TTC6: variants seen among roughly 807,000 people sequenced by gnomAD.
TTC6 encodes the protein tetratricopeptide repeat protein 6.
TTC6 carries 172 observed loss-of-function variants against 210.4 expected under a neutral mutation model. The observed-to-expected ratio is 0.82, with a 90% CI of 0.72 to 0.93. The LOEUF (loss-of-function observed/expected upper bound fraction) is 0.93. Among genes scored for constraint, TTC6 ranks in the 40% least tolerant of loss-of-function variants. TTC6 has a pLI of 0.00. For synonymous variants in TTC6, 804 were observed against 819.6 expected, an observed-to-expected ratio of 0.98 and a Z score of 0.32; for missense variants, 2,414 against 2,318.1, an observed-to-expected ratio of 1.04 and a Z score of -0.85.
intron 20 of TTC6, among the ~76,000 whole-genome samples, chr14:37,804,308 A>G (rs914424668): frequency 2.6e-5 from 4 of 152,220 alleles, no homozygotes; most frequent in Non-Finnish European, 5.9e-5. Flanking sequence ...GCTTCCCAGT[A>G]TTCCATTCAG....
intron 1 of TTC6, among the ~76,000 whole-genome samples, chr14:37,627,750 G>A (rs2095662789): frequency 6.6e-6 from 1 of 152,174 alleles, no homozygotes; most frequent in Admixed American, 6.5e-5. Flanking sequence ...TGTGAATAGT[G>A]CTGCAATAAA....
chr14:37,676,077 C>A (rs1291876120), intron 1 of TTC6, among the ~76,000 whole-genome samples: 2 of 151,972 alleles, frequency 1.3e-5, no homozygotes, highest in Non-Finnish European at 2.9e-5. Context: ...GGAAAGAGTA[C>A]TAGACAATTT....
chr14:37,749,936 A>C, intron 12 of TTC6, 93 bp downstream of exon 14: 1 of 877,710 alleles, frequency 1.1e-6, no homozygotes, highest in Non-Finnish European at 1.5e-6. Flanking sequence ...ATCAGTAGAT[A>C]TATGTCCTGA....
At chr14:37,679,726 T>A (rs1487120895) in intron 1 of TTC6, among the ~76,000 whole-genome samples, 1 of 152,118 alleles carries the variant, frequency 6.6e-6, no homozygotes, top group Non-Finnish European at 1.5e-5. Context: ...GTTTCCCTCT[T>A]GTTGTCCAGG....
intron 14 of TTC6, among the ~76,000 whole-genome samples, chr14:37,780,155 G>A (rs1200236806): frequency 6.6e-6 from 1 of 152,172 alleles, no homozygotes; most frequent in Non-Finnish European, 1.5e-5. Context: ...AAATTAATTA[G>A]TAATATTTTT....
At chr14:37,628,270 G>GA (rs2095663780) in intron 1 of TTC6, among the ~76,000 whole-genome samples, 1 of 152,062 alleles carries the variant, frequency 6.6e-6, no homozygotes, top group South Asian at 2.1e-4. Flanking sequence ...ACTGTGCCTG[G>GA]CCTGTTTCCT....
intron 1 of TTC6, among the ~76,000 whole-genome samples, chr14:37,645,912 T>A (rs34434018): frequency 0.056 from 8,480 of 152,266 alleles, 363 homozygotes; most frequent in Non-Finnish European, 0.087. Flanking sequence ...GTTTACCTAT[T>A]CATGCAATGT....
chr14:37,605,021 T>C (rs1371413441), intron 1 of TTC6, among the ~76,000 whole-genome samples: 1 of 152,220 alleles, frequency 6.6e-6, no homozygotes, highest in Non-Finnish European at 1.5e-5. Context: ...GCTGGGCTTA[T>C]GGTGTATGCT....
chr14:37,838,123 C>G (rs543158724), intron 29 of TTC6, among the ~76,000 whole-genome samples: 1 of 152,286 alleles, frequency 6.6e-6, no homozygotes, highest in South Asian at 2.1e-4. Flanking sequence ...AAAAGTGACT[C>G]TCTCTTTAAG....
chr14:37,779,834 AG>A (rs1158242079), intron 14 of TTC6, among the ~76,000 whole-genome samples: 1 of 152,202 alleles, frequency 6.6e-6, no homozygotes, highest in Non-Finnish European at 1.5e-5. Context: ...GTGGTGTCTC[AG>A]GGGGCCTCAT....
At chr14:37,624,220 C>T (rs927539576) in intron 1 of TTC6, among the ~76,000 whole-genome samples, 5 of 152,200 alleles carry the variant, frequency 3.3e-5, no homozygotes, top group African/African-American at 1.2e-4. Context: ...TTGAGACTCA[C>T]ACCTCCCCAT....
upstream of TTC6, among the ~76,000 whole-genome samples, chr14:37,618,133 G>A (rs1321870079): frequency 1.3e-5 from 2 of 152,136 alleles, no homozygotes; most frequent in Non-Finnish European, 2.9e-5. Flanking sequence ...GCAAAGTTTT[G>A]GATTTTCCGT....
At chr14:37,691,059 G>A (rs2095802741) in intron 3 of TTC6, among the ~76,000 whole-genome samples, 1 of 152,072 alleles carries the variant, frequency 6.6e-6, no homozygotes, top group Non-Finnish European at 1.5e-5. Context: ...GTCAGGTGTG[G>A]TGGCTCACAT....
chr14:37,622,143 C>A lies in TTC6; in HGVS notation c.79C>A (p.Gln27Lys), dbSNP rs1275205391. 8 of 1,535,378 alleles carry A rather than the reference C, an allele frequency of 5.2e-6. No homozygotes were observed. The South Asian group carries it at 7.1e-5, about 14-fold the overall frequency. Residue 27 changes from glutamine to lysine, a missense_variant, in exon 1 of 31, where the codon CAG (glutamine) becomes AAG (lysine). Physicochemically the swap from Gln to Lys is moderately conservative, Grantham distance 53 (BLOSUM62 1). Coordinates refer to ENST00000553443, the Ensembl canonical transcript of TTC6. ...GTTTAAAGAGCTTGAGAAAGTTCGGCAGGAAACTAAAAAGGATTTTCTCCG... is the reference window on the plus strand; with the variant it reads ...GTTTAAAGAGCTTGAGAAAGTTCGGAAGGAAACTAAAAAGGATTTTCTCCG...
chr14:37,621,912 C>T (rs1595020885), upstream of TTC6: 1 of 530,914 alleles, frequency 1.9e-6, no homozygotes, highest in African/African-American at 2.0e-5. Flanking sequence ...GATAATTTTA[C>T]CCGCTTGTGC....
rs76442677 is a variant in TTC6, at chr14:37,749,094, G to A, written c.2519G>A (p.Arg840Gln). The A allele has an allele frequency of 2.2e-3, 3,423 of 1,535,604 alleles. 61 individuals are homozygous for A. The African/African-American group carries it at 0.039, about 18-fold the overall frequency. Residue 840 changes from arginine to glutamine, a missense_variant, in exon 11 of 31, where the codon CGG (arginine) becomes CAG (glutamine). Coordinates refer to ENST00000553443, the Ensembl canonical transcript of TTC6. ...GGAATTCCAGAAAATATTGATCCTC[G>A]GACATGGGCTCTTGATAGGCTCATT...
intron 14 of TTC6, among the ~76,000 whole-genome samples, chr14:37,770,258 G>A (rs1330426672): frequency 6.6e-6 from 1 of 152,170 alleles, no homozygotes; most frequent in African/African-American, 2.4e-5. Flanking sequence ...ATGGTGTGGT[G>A]CTGAAAAAAA....
At chr14:37,635,450 C>CCTTA (rs943162619) in intron 1 of TTC6, among the ~76,000 whole-genome samples, 1 of 152,084 alleles carries the variant, frequency 6.6e-6, no homozygotes, top group Non-Finnish European at 1.5e-5. Flanking sequence ...GACTTAAATC[C>CCTTA]TAAGATATCA....
chr14:37,622,786 A>G, exon 1 of TTC6: 1 of 1,534,712 alleles, frequency 6.5e-7, no homozygotes, highest in Non-Finnish European at 8.7e-7. Context: ...GAGGCGCGGG[A>G]AGCGGCGGGG....
Sources: allele counts gnomAD v4.1 joint callset (sites outside exome capture counted in the v4.1 genomes callset), GRCh38; gene constraint gnomAD v4.1.1; transcripts MANE v1.5; gene names NCBI Gene and HGNC (gene_info 2026-07-23, HGNC 2026-07-21).